The following VWA5A variants were observed in gnomAD, a reference collection of about 807,000 sequenced individuals.
VWA5A encodes the protein von Willebrand factor A domain-containing protein 5A.
Under a neutral mutation model 84.6 loss-of-function variants are expected in VWA5A, and 77 were observed. The observed-to-expected ratio is 0.91, with a 90% confidence interval of 0.76 to 1.10. VWA5A has a LOEUF of 1.10. Ranked by LOEUF, VWA5A falls within the 50% of genes least tolerant of loss-of-function variation. VWA5A has a pLI of 0.00. For missense variants in VWA5A, 973 were observed against 963.0 expected (o/e 1.01, Z -0.14); for synonymous variants, 334 against 350.1 (o/e 0.95, Z 0.51).
At chr11:124,127,482 G>T (rs965629995) in intron 11 of VWA5A, among the ~76,000 whole-genome samples, 1 of 152,154 alleles carries the variant, frequency 6.6e-6, no homozygotes, top group African/African-American at 2.4e-5. Context: ...ACATATGTGT[G>T]CATGTGTCTT....
chr11:124,140,552 C>A (rs1380539810), intron 15 of VWA5A, among the ~76,000 whole-genome samples: 2 of 152,106 alleles, frequency 1.3e-5, no homozygotes, highest in African/African-American at 4.8e-5. Flanking sequence ...CAGCCTCGAT[C>A]TCTTGGGCTA....
intron 15 of VWA5A, among the ~76,000 whole-genome samples, chr11:124,141,152 C>A (rs1237547581): frequency 6.6e-6 from 1 of 152,108 alleles, no homozygotes; most frequent in African/African-American, 2.4e-5. Flanking sequence ...TGGAAGTAGA[C>A]AATAGTGACG....
intron 13 of VWA5A, 28 bp from the exon 14 acceptor site, chr11:124,136,546 G>C (rs531293517): frequency 1.5e-4 from 238 of 1,603,556 alleles, no homozygotes; most frequent in Non-Finnish European, 1.9e-4. Context: ...TACATGTTCC[G>C]TCATTTCTAC....
intron 12 of VWA5A, among the ~76,000 whole-genome samples, chr11:124,135,697 AT>A (rs1358167618): frequency 6.7e-6 from 1 of 148,756 alleles, no homozygotes; most frequent in Non-Finnish European, 1.5e-5. Flanking sequence ...CGCCCGGCTA[AT>A]TTTTTGTATT....
intron 11 of VWA5A, among the ~76,000 whole-genome samples, chr11:124,128,587 C>T (rs1176608359): frequency 6.6e-6 from 1 of 151,678 alleles, no homozygotes; most frequent in Non-Finnish European, 1.5e-5. Flanking sequence ...TGGCCATTTT[C>T]ACAATATTGA....
chr11:124,136,101 GTTTA>G (rs754948905), intron 12 of VWA5A, 24 bp from the exon 13 acceptor site: 1 of 1,608,200 alleles, frequency 6.2e-7, no homozygotes, highest in Non-Finnish European at 8.5e-7. Flanking sequence ...TATCATTTGT[GTTTA>G]TTCTGTTCTC....
At chr11:124,136,519 A>G (rs756075825) in intron 13 of VWA5A, 55 bp from the exon 14 acceptor site, 1 of 1,551,426 alleles carries the variant, frequency 6.4e-7, no homozygotes, top group Non-Finnish European at 8.9e-7. Context: ...TGATCCTTCC[A>G]TGGATGATCA....
chr11:124,128,904 T>C (rs907139155), intron 11 of VWA5A, among the ~76,000 whole-genome samples: 1 of 152,246 alleles, frequency 6.6e-6, no homozygotes, highest in Non-Finnish European at 1.5e-5. Context: ...GTTTTCTAAA[T>C]AGACAATAAT....
At chr11:124,133,833 T>C (rs1346800658) in intron 11 of VWA5A, among the ~76,000 whole-genome samples, 1 of 152,236 alleles carries the variant, frequency 6.6e-6, no homozygotes, top group East Asian at 1.9e-4. Context: ...TTGCTATTAT[T>C]GTAATATTTT....
rs773234589 is a variant in VWA5A at position 124,117,677 on chromosome 11, G to A, written c.48G>A (p.Pro16=). Residue 16 remains proline (P), a synonymous_variant, in exon 4 of 19, where the codon CCG becomes CCA. Transcript: ENST00000456829. Reference sequence around the variant, plus strand: ...TGAACTCTGGTCTATCTCCAGTGCCGCTGAAGAGTATCTCTGTGAGCGTGA... The same window carrying A: ...TGAACTCTGGTCTATCTCCAGTGCCACTGAAGAGTATCTCTGTGAGCGTGA... The part of the protein sequence containing the change: ...GLLTLHREPV[P]LKSISVSVNI... 37 of 1,614,072 alleles carry A rather than the reference G, an allele frequency of 2.3e-5. No homozygotes were observed. Among genetic ancestry groups the A allele is most frequent in the Middle Eastern group, 3.3e-4 (2 of 6,084 alleles).
chr11:124,137,334 TTAAAG>T, intron 15 of VWA5A, 66 bp downstream of exon 15: 1 of 1,555,764 alleles, frequency 6.4e-7, no homozygotes, highest in Non-Finnish European at 8.7e-7. Context: ...AGCACATTAT[TTAAAG>T]GAAAGGGCTG....
rs966183758 is a variant in VWA5A, at chr11:124,145,162, G to A, written c.2155-75G>A. 8 of 1,524,594 alleles carry A rather than the reference G, an allele frequency of 5.2e-6. No homozygotes were observed. The Admixed American group carries it at 1.3e-4, about 26-fold the overall frequency. 94.4% of individuals were successfully genotyped at this position (1,524,594 alleles called of 1,614,324 possible). On this transcript the variant is annotated intron_variant, in intron 17 of 18. Transcript: ENST00000456829. The stretch of plus-strand genomic sequence containing the variant: ...AGTGACATTTAGAAGGATGCTAAGT[G>A]AGGAGGGAGTGAAGCTTTTTGCATC...
rs1860833997 is a variant in VWA5A, at chr11:124,147,011, A to C, written c.*1066A>C. 1 of 166,804 alleles carries C rather than the reference A, an allele frequency of 6.0e-6. No individual in the cohort carries two copies. Among genetic ancestry groups the C allele is most frequent in the African/African-American group, 2.4e-5 (1 of 41,442 alleles). The allele number at this position is 166,804 out of a possible 1,614,324, so 10.3% of individuals were successfully genotyped here. A position where few individuals can be genotyped will look rare whatever the true frequency, so the allele number is the denominator to read the frequency against. On this transcript the variant is annotated 3_prime_UTR_variant, in exon 19 of 19. Coordinates refer to ENST00000456829, the MANE Select transcript of VWA5A (RefSeq NM_001130142.2). ...TAGGATAGTAAATTGACCGGAACAC[A>C]GTTGTGGAAATTTGACCTGAAGTTA...
In VWA5A at chr11:124,118,901, T is replaced by G. The variant is rs369989114; in HGVS notation, c.646-74T>G. 22 of 1,461,430 alleles carry G rather than the reference T, an allele frequency of 1.5e-5. No homozygotes were observed. The East Asian group carries it at 1.7e-4, about 11-fold the overall frequency. The allele number at this position is 1,461,430 out of a possible 1,614,324, so 90.5% of individuals were successfully genotyped here. On this transcript the variant is annotated intron_variant, in intron 6 of 18. Transcript: ENST00000456829. ...GTCATGCTGTCTTATGGAGGAGGAC[T>G]GCGCCCTAACCTCAGCCCCAAGAAG...
rs149851021 is a variant in VWA5A at position 124,137,163 on chromosome 11, A to C, written c.1774A>C (p.Asn592His). 6.2e-7 allele frequency: 1 copy of C among 1,614,114 alleles called. No homozygotes were observed. Among genetic ancestry groups the C allele is most frequent in the Non-Finnish European group, 8.5e-7 (1 of 1,180,024 alleles). The change falls in exon 15 of 19, where the codon AAT becomes CAT. Residue 592 changes from asparagine to histidine, a missense_variant. By Grantham distance (68) the Asn-to-His change is moderately conservative. Transcript: ENST00000456829. ...CTCCTTCACAGCTTTCATTGCTATCAATAAGGAGCTCAACAAGCCGGTTCA... is the reference window on the plus strand; with the variant it reads ...CTCCTTCACAGCTTTCATTGCTATCCATAAGGAGCTCAACAAGCCGGTTCA... ...ISSFTAFIAI[N>H]KELNKPVQGP... is the part of the protein sequence containing the mutation.
Position 124,146,219 on chromosome 11 carries a change from C to A in VWA5A, c.*274C>A. On this transcript the variant is annotated 3_prime_UTR_variant, in exon 19 of 19. Coordinates refer to ENST00000456829, the MANE Select transcript of VWA5A (RefSeq NM_001130142.2). The stretch of plus-strand genomic sequence containing the variant: ...AACATTCATAGGCAGTAATGTTCCT[C>A]CCAGGGTTTCCAGGGAAACAACATG... 1 of 290,070 alleles carries A rather than the reference C, an allele frequency of 3.4e-6. No individual in the cohort carries two copies. 18.0% of individuals were successfully genotyped at this position (290,070 alleles called of 1,614,324 possible).
intron 7 of VWA5A, among the ~76,000 whole-genome samples, chr11:124,122,456 T>C (rs988475107): frequency 5.3e-5 from 8 of 152,342 alleles, no homozygotes; most frequent in African/African-American, 1.9e-4. Context: ...CTTACCTTGG[T>C]GGGTATAATA....
rs1860763368 is a variant in VWA5A at position 124,143,281 on chromosome 11, T to C, written c.2154+709T>C. On this transcript the variant is annotated intron_variant, in intron 17 of 18. Transcript: ENST00000456829. ...AATTTCAAGGTAACTTACAAAATCT[T>C]CTAACGCTCATTGAGAAGTTGTTAG... 2.0e-5 allele frequency among the ~76,000 whole-genome samples: 3 copies of C among 152,338 alleles called. No individual in the cohort carries two copies. The South Asian group carries it at 6.2e-4, about 32-fold the overall frequency.
chr11:124,117,283 C>G (rs950607274), intron 2 of VWA5A: 23 of 594,220 alleles, frequency 3.9e-5, no homozygotes, highest in Non-Finnish European at 1.2e-5. Context: ...TAGTAGATAC[C>G]AGTGAATCTT....
Sources: allele counts gnomAD v4.1 joint callset (sites outside exome capture counted in the v4.1 genomes callset), GRCh38; gene constraint gnomAD v4.1.1; transcripts MANE v1.5; gene names NCBI Gene and HGNC (gene_info 2026-07-23, HGNC 2026-07-21).